The following TENM3 variants were observed in gnomAD, a reference collection of about 807,000 sequenced individuals.
TENM3 encodes the protein teneurin transmembrane protein 3, also known as teneurin-3.
TENM3 carries 63 observed loss-of-function variants against 255.1 expected under a neutral mutation model. The observed-to-expected ratio is 0.25, with a 90% CI of 0.20 to 0.30. TENM3 has a LOEUF of 0.30. Ranked by LOEUF, TENM3 falls within the 10% of genes least tolerant of loss-of-function variation. TENM3 has a pLI of 1.00. For missense variants in TENM3, 2,929 were observed against 3,461.1 expected (o/e 0.85, Z 3.86); for synonymous variants, 1,306 against 1,322.3 (o/e 0.99, Z 0.27).
chr4:181,764,427 GC>G, the TENM3 span, among the ~76,000 whole-genome samples: 2 of 152,046 alleles, frequency 1.3e-5, no homozygotes, highest in African/African-American at 4.8e-5. Flanking sequence ...TTTTCAGTGG[GC>G]TTTTCTAACA....
chr4:182,309,376 G>T (rs534705729), intron 1 of TENM3, among the ~76,000 whole-genome samples: 2 of 152,222 alleles, frequency 1.3e-5, no homozygotes, highest in Non-Finnish European at 2.9e-5. Flanking sequence ...TTTGCCTGTG[G>T]GTAACAGAGG....
the TENM3 span, among the ~76,000 whole-genome samples, chr4:181,521,196 A>C: frequency 6.6e-6 from 1 of 152,218 alleles, no homozygotes; most frequent in East Asian, 1.9e-4. Flanking sequence ...CTGTCTCTTG[A>C]GCACCTTCTA....
chr4:181,640,869 T>C, the TENM3 span, among the ~76,000 whole-genome samples: 1 of 152,212 alleles, frequency 6.6e-6, no homozygotes. Flanking sequence ...TCTTGCTAAA[T>C]TTCTTTGACT....
chr4:182,466,583 TG>T (rs1009357467), intron 3 of TENM3, among the ~76,000 whole-genome samples: 1 of 152,086 alleles, frequency 6.6e-6, no homozygotes, highest in African/African-American at 2.4e-5. Context: ...CCTCCTGCCT[TG>T]GCCTCCCAAA....
intron 3 of TENM3, among the ~76,000 whole-genome samples, chr4:182,502,854 T>TGG (rs886822781): frequency 2.7e-5 from 4 of 150,846 alleles, no homozygotes; most frequent in Non-Finnish European, 4.4e-5. Flanking sequence ...TCTGTGGGCA[T>TGG]GGGTTGGAGC....
chr4:181,816,373 G>A, the TENM3 span, among the ~76,000 whole-genome samples: 1 of 152,092 alleles, frequency 6.6e-6, no homozygotes, highest in Non-Finnish European at 1.5e-5. Context: ...ATTAAGAACT[G>A]GAGTCAAAGG....
At chr4:182,270,333 T>C (rs569210054) in intron 1 of TENM3, among the ~76,000 whole-genome samples, 2 of 152,270 alleles carry the variant, frequency 1.3e-5, no homozygotes, top group South Asian at 4.2e-4. Context: ...AGAAATATAT[T>C]TGGGGGTAAA....
the TENM3 span, among the ~76,000 whole-genome samples, chr4:181,749,961 T>G: frequency 6.6e-6 from 1 of 152,208 alleles, no homozygotes; most frequent in East Asian, 1.9e-4. Flanking sequence ...GATTCATCTC[T>G]GTGTCTTCAG....
At chr4:182,615,046 C>T (rs868319217) in intron 4 of TENM3, among the ~76,000 whole-genome samples, 23 of 112,034 alleles carry the variant, frequency 2.1e-4, no homozygotes, top group Middle Eastern at 5.7e-3. Context: ...AAAAAAAATA[C>T]ATATATATAT....
the TENM3 span, among the ~76,000 whole-genome samples, chr4:181,564,340 A>G: frequency 6.6e-6 from 1 of 152,134 alleles, no homozygotes; most frequent in Non-Finnish European, 1.5e-5. Context: ...TAACTTATGA[A>G]GCGGGCACTG....
At chr4:182,505,636 G>A (rs1251559153) in intron 3 of TENM3, among the ~76,000 whole-genome samples, 3 of 151,824 alleles carry the variant, frequency 2.0e-5, no homozygotes, top group East Asian at 1.9e-4. Context: ...CCACTACCAC[G>A]CCCGGCTATT....
chr4:181,640,884 T>A, the TENM3 span, among the ~76,000 whole-genome samples: 23 of 152,330 alleles, frequency 1.5e-4, no homozygotes, highest in Admixed American at 5.2e-4. Flanking sequence ...TTGACTAGTT[T>A]TTGGCCACAC....
chr4:182,766,682 G>T (rs190380620), intron 22 of TENM3, among the ~76,000 whole-genome samples: 1 of 152,112 alleles, frequency 6.6e-6, no homozygotes, highest in South Asian at 2.1e-4. Context: ...AGAGAGGAGT[G>T]GGGGAGGCTC....
At chr4:181,699,236 G>A in the TENM3 span, among the ~76,000 whole-genome samples, 2 of 151,890 alleles carry the variant, frequency 1.3e-5, no homozygotes, top group Non-Finnish European at 2.9e-5. Flanking sequence ...TTTGAGGCCA[G>A]CCTGGGCAAC....
intron 3 of TENM3, among the ~76,000 whole-genome samples, chr4:182,432,849 G>GGGGTGTGTGTGTGTGTGTGTGTGTGTGT (rs747628733): frequency 2.7e-4 from 39 of 142,976 alleles, no homozygotes; most frequent in African/African-American, 7.7e-4. Flanking sequence ...AATGGATTTG[G>GGGGTGTGTGTGTGTGTGTGTGTGTGTGT]GTGTGTGTGT....
the TENM3 span, among the ~76,000 whole-genome samples, chr4:181,995,244 C>T: frequency 1.6e-4 from 24 of 151,592 alleles, no homozygotes; most frequent in Non-Finnish European, 2.9e-4. Context: ...GAGCTAAGAT[C>T]GCACCACTGC....
chr4:182,557,694 C>G (rs962312723), intron 3 of TENM3, among the ~76,000 whole-genome samples: 3 of 152,148 alleles, frequency 2.0e-5, no homozygotes, highest in African/African-American at 7.2e-5. Flanking sequence ...CACAGTCTCC[C>G]TTTCTGCATC....
At chr4:182,563,396 G>T (rs535768590) in intron 3 of TENM3, among the ~76,000 whole-genome samples, 2 of 151,986 alleles carry the variant, frequency 1.3e-5, no homozygotes, top group Admixed American at 6.6e-5. Flanking sequence ...ATCATGCCAC[G>T]GCACTCCAGC....
intron 3 of TENM3, among the ~76,000 whole-genome samples, chr4:182,543,612 G>C (rs1188807058): frequency 6.6e-6 from 1 of 151,976 alleles, no homozygotes; most frequent in African/African-American, 2.4e-5. Context: ...GTTCTTTAAA[G>C]TCTCATCTTT....
Sources: gnomAD v4.1 joint callset for allele counts (sites outside exome capture counted in the v4.1 genomes callset) on GRCh38, gnomAD v4.1.1 for gene constraint, MANE v1.5 for transcripts, NCBI Gene and HGNC (gene_info 2026-07-23, HGNC 2026-07-21) for gene names.